The following ASTN1 variants were observed in gnomAD, a reference collection of about 807,000 sequenced individuals.
ASTN1 encodes the protein astrotactin-1.
Under a neutral mutation model 140.7 loss-of-function variants are expected in ASTN1, and 41 were observed. That is an observed-to-expected ratio of 0.29 (90% CI 0.23 to 0.38). ASTN1 has a LOEUF of 0.38. Ranked by LOEUF, ASTN1 falls within the 10% of genes least tolerant of loss-of-function variation. ASTN1 has a pLI of 1.00. For missense variants in ASTN1, 1,479 were observed against 1,678.8 expected (o/e 0.88, Z 2.08); for synonymous variants, 640 against 652.2 (o/e 0.98, Z 0.29).
chr1:176,965,105 G>C (rs1672819360), intron 9 of ASTN1, 58 bp downstream of exon 9: 4 of 1,519,724 alleles, frequency 2.6e-6, no homozygotes, highest in Non-Finnish European at 3.6e-6. Flanking sequence ...TCAGTTCGGG[G>C]GAAGCGGAAC....
chr1:177,017,414 C>A (rs1439016526), intron 7 of ASTN1, among the ~76,000 whole-genome samples: 1 of 152,234 alleles, frequency 6.6e-6, no homozygotes, highest in African/African-American at 2.4e-5. Flanking sequence ...GTTTGGCCAT[C>A]TCCAACGAAA....
At chr1:177,101,022 G>A (rs1400958891) in intron 1 of ASTN1, among the ~76,000 whole-genome samples, 1 of 152,206 alleles carries the variant, frequency 6.6e-6, no homozygotes, top group Non-Finnish European at 1.5e-5. Flanking sequence ...GAACCTGAGA[G>A]ACGGAGTTTG....
intron 8 of ASTN1, among the ~76,000 whole-genome samples, chr1:176,966,118 T>TA (rs1200151625): frequency 2.0e-4 from 31 of 152,238 alleles, no homozygotes. Context: ...ATTTAGCCCT[T>TA]ACACTTGTGC....
intron 8 of ASTN1, among the ~76,000 whole-genome samples, chr1:176,989,658 A>G (rs1044680716): frequency 6.6e-6 from 1 of 152,110 alleles, no homozygotes. Context: ...GAGCTCAGAG[A>G]GAAGACGAAG....
At chr1:176,921,512 A>G (rs1367960355) in intron 16 of ASTN1, among the ~76,000 whole-genome samples, 8 of 152,226 alleles carry the variant, frequency 5.3e-5, no homozygotes, top group Non-Finnish European at 1.2e-4. Flanking sequence ...TTTGTAAAAG[A>G]AAGGAAAATA....
intron 11 of ASTN1, among the ~76,000 whole-genome samples, chr1:176,956,258 T>C (rs1031638590): frequency 1.3e-5 from 2 of 152,112 alleles, no homozygotes; most frequent in Non-Finnish European, 2.9e-5. Flanking sequence ...TCTCTCTCTC[T>C]CCCTTTCTTT....
intron 21 of ASTN1, among the ~76,000 whole-genome samples, chr1:176,873,581 G>T (rs1668438272): frequency 6.6e-6 from 1 of 152,180 alleles, no homozygotes. Flanking sequence ...AGTGCTGCGA[G>T]ATCATATTTA....
chr1:176,947,482 A>G (rs914970567), intron 12 of ASTN1, among the ~76,000 whole-genome samples: 2 of 152,204 alleles, frequency 1.3e-5, no homozygotes, highest in African/African-American at 4.8e-5. Context: ...CACGCTATAT[A>G]TAGTACCTTA....
At chr1:177,036,036 CTTTTTTTTT>C (rs869200407) in intron 2 of ASTN1, among the ~76,000 whole-genome samples, 2 of 78,790 alleles carry the variant, frequency 2.5e-5, no homozygotes, top group African/African-American at 5.5e-5. Flanking sequence ...CCTCAGCTTT[CTTTTTTTTT>C]TTTTTTTTTT....
chr1:177,068,701 C>A (rs1487965325), intron 1 of ASTN1, among the ~76,000 whole-genome samples: 2 of 152,080 alleles, frequency 1.3e-5, no homozygotes, highest in African/African-American at 2.4e-5. Context: ...TAGTTAGGCC[C>A]CAAGTCAGAT....
intron 8 of ASTN1, among the ~76,000 whole-genome samples, chr1:176,991,086 TA>T (rs1674135281): frequency 6.6e-6 from 1 of 152,158 alleles, no homozygotes; most frequent in Admixed American, 6.5e-5. Context: ...CTTCAGTTAA[TA>T]AAACATCTTC....
chr1:177,080,975 T>C (rs755552797), intron 1 of ASTN1, among the ~76,000 whole-genome samples: 5 of 152,194 alleles, frequency 3.3e-5, no homozygotes, highest in Admixed American at 6.5e-5. Flanking sequence ...CTCTCTGTAT[T>C]ATTTTTCTCG....
At chr1:177,021,077 C>T (rs1163605702) in intron 7 of ASTN1, among the ~76,000 whole-genome samples, 2 of 152,144 alleles carry the variant, frequency 1.3e-5, no homozygotes, top group Admixed American at 6.5e-5. Context: ...GTGTGGGAGG[C>T]GATAAAGTTT....
At chr1:176,974,359 G>A (rs2101868420) in intron 8 of ASTN1, among the ~76,000 whole-genome samples, 1 of 151,916 alleles carries the variant, frequency 6.6e-6, no homozygotes, top group East Asian at 1.9e-4. Flanking sequence ...CACATTAATA[G>A]GAATTTTGAT....
intron 1 of ASTN1, among the ~76,000 whole-genome samples, chr1:177,085,158 TG>T (rs1160961543): frequency 1.3e-5 from 2 of 152,208 alleles, no homozygotes; most frequent in African/African-American, 4.8e-5. Context: ...TTGTCTCACT[TG>T]ATTACAGATG....
chr1:176,999,759 A>ATTGTTCTCG (rs1674629884), intron 8 of ASTN1, among the ~76,000 whole-genome samples: 1 of 152,012 alleles, frequency 6.6e-6, no homozygotes, highest in Non-Finnish European at 1.5e-5. Flanking sequence ...GTTTCCCCAT[A>ATTGTTCTCG]TTGTTCTCGG....
At chr1:177,141,131 G>A (rs1040795603) in intron 1 of ASTN1, among the ~76,000 whole-genome samples, 9 of 152,112 alleles carry the variant, frequency 5.9e-5, no homozygotes, top group Admixed American at 2.0e-4. Context: ...CAGGAGAATC[G>A]CTTGAACCTG....
intron 2 of ASTN1, among the ~76,000 whole-genome samples, chr1:177,036,036 C>CTTTTTTTTT (rs869200407): frequency 1.3e-4 from 10 of 78,798 alleles, no homozygotes; most frequent in African/African-American, 5.0e-4. Context: ...CCTCAGCTTT[C>CTTTTTTTTT]TTTTTTTTTT....
rs111480227 is a variant in ASTN1, at chr1:176,915,617, C to T, written c.2671+18535G>A. Among the ~76,000 whole-genome samples the T allele has an allele frequency of 1.8e-3, 275 of 152,256 alleles. 1 individual carries two copies. Among genetic ancestry groups the T allele is most frequent in the African/African-American group, 6.1e-3 (255 of 41,542 alleles). ...TTCACCTGCTGTCGTACACAGCTTCCGGTGGTATCATTCGGATTTTAGATT... is the reference window on the plus strand; with the variant it reads ...TTCACCTGCTGTCGTACACAGCTTCTGGTGGTATCATTCGGATTTTAGATT... On this transcript the variant is annotated intron_variant, in intron 16 of 22. Coordinates refer to ENST00000361833, the MANE Select transcript of ASTN1 (RefSeq NM_004319.3).
Sources: gnomAD v4.1 joint callset for allele counts (sites outside exome capture counted in the v4.1 genomes callset) on GRCh38, gnomAD v4.1.1 for gene constraint, MANE v1.5 for transcripts, NCBI Gene and HGNC (gene_info 2026-07-23, HGNC 2026-07-21) for gene names.